The following HOMER2 variants were observed in gnomAD, a reference collection of about 807,000 sequenced individuals.
HOMER2 encodes homer scaffold protein 2, also known as homer protein homolog 2.
In HOMER2, 27 loss-of-function variants were observed where a neutral mutation model predicts 47.0. The ratio of observed to expected loss-of-function variants is 0.57; its 90% CI spans 0.42 to 0.79. The LOEUF (loss-of-function observed/expected upper bound fraction) is 0.79. HOMER2 is among the 30% of genes least tolerant of loss of function. HOMER2 has a pLI of 0.00. For missense variants in HOMER2, 443 were observed against 435.0 expected (o/e 1.02, Z -0.16); for synonymous variants, 161 against 163.8 (o/e 0.98, Z 0.13).
At chr15:82,884,848 TTTGACTTCCTCTTTTCCTAA>T (rs1208727160) in intron 2 of HOMER2, among the ~76,000 whole-genome samples, 1 of 8,676 alleles carries the variant, frequency 1.2e-4, no homozygotes, top group Non-Finnish European at 1.6e-4. Context: ...ACAGGGACAA[TTTGACTTCCTCTTTTCCTAA>T]TTGAATACCC....
intron 3 of HOMER2, among the ~76,000 whole-genome samples, 168 bp from the exon 4 acceptor site, chr15:82,864,427 C>A (rs947916241): frequency 6.6e-6 from 1 of 152,166 alleles, no homozygotes; most frequent in Admixed American, 6.5e-5. Context: ...TTCCAGTAAA[C>A]AGCACTGGGC....
chr15:82,942,251 C>T (rs960900379), intron 1 of HOMER2, among the ~76,000 whole-genome samples: 3 of 152,232 alleles, frequency 2.0e-5, no homozygotes, highest in African/African-American at 4.8e-5. Flanking sequence ...CTCTGTCTTA[C>T]GACCTGTCTT....
Position 82,892,690 on chromosome 15 carries a change from C to A in HOMER2, c.157G>T (p.Ala53Ser). The change falls in exon 2 of 9, where the codon GCC (alanine) becomes TCC (serine). Residue 53 changes from alanine to serine, a missense_variant. Transcript: ENST00000450735. Reference sequence around the variant, plus strand: ...ATCAGCTGAGGGGGTGGTACCTTGGCTCCGTCCACACTGATGATCCGATAG... The same window carrying A: ...ATCAGCTGAGGGGGTGGTACCTTGGATCCGTCCACACTGATGATCCGATAG... The part of the protein sequence containing the change: ...NSYRIISVDG[A>S]KVIINSTITP... 1.3e-6 allele frequency: 2 copies of A among 1,554,354 alleles called. No individual in the cohort carries two copies. Among genetic ancestry groups the A allele is most frequent in the Non-Finnish European group, 1.8e-6 (2 of 1,138,918 alleles).
intron 2 of HOMER2, among the ~76,000 whole-genome samples, chr15:82,891,716 C>T (rs1180463297): frequency 6.6e-6 from 1 of 152,136 alleles, no homozygotes; most frequent in African/African-American, 2.4e-5. Context: ...TGCAGGAGTC[C>T]AGGCAAGACT....
intron 1 of HOMER2, among the ~76,000 whole-genome samples, chr15:82,971,980 CA>C: frequency 6.6e-6 from 1 of 152,290 alleles, no homozygotes; most frequent in African/African-American, 2.4e-5. Context: ...GGGTTTCAAC[CA>C]AGTGCTTCAA....
intron 3 of HOMER2, among the ~76,000 whole-genome samples, chr15:82,864,711 A>C (rs2051908774): frequency 6.6e-6 from 1 of 152,226 alleles, no homozygotes; most frequent in Non-Finnish European, 1.5e-5. Flanking sequence ...GTAAAATGTT[A>C]ACAACTGTTA....
chr15:82,888,766 G>A (rs2052619273), intron 2 of HOMER2, among the ~76,000 whole-genome samples: 1 of 83,410 alleles, frequency 1.2e-5, no homozygotes, highest in South Asian at 3.7e-4. Flanking sequence ...CGCACGGTGC[G>A]CACACACACT....
At chr15:82,851,674 T>C (rs1294272150) in intron 7 of HOMER2, among the ~76,000 whole-genome samples, 1 of 152,182 alleles carries the variant, frequency 6.6e-6, no homozygotes, top group East Asian at 1.9e-4. Flanking sequence ...CGTGTGTCTA[T>C]AGTCCCAGCT....
chr15:82,914,303 G>A (rs565563292), intron 1 of HOMER2, among the ~76,000 whole-genome samples: 21 of 150,750 alleles, frequency 1.4e-4, no homozygotes, highest in Admixed American at 3.3e-4. Flanking sequence ...GCGTGAACCC[G>A]GGAGGCAGAG....
At chr15:82,895,837 G>A (rs906271732) in intron 1 of HOMER2, among the ~76,000 whole-genome samples, 1 of 152,188 alleles carries the variant, frequency 6.6e-6, no homozygotes, top group African/African-American at 2.4e-5. Context: ...ATGTTCCCAG[G>A]CCCCATCCTA....
At chr15:82,877,449 G>A (rs952772425) in intron 2 of HOMER2, among the ~76,000 whole-genome samples, 9 of 152,096 alleles carry the variant, frequency 5.9e-5, no homozygotes, top group Non-Finnish European at 1.2e-4. Context: ...GATTACAGTC[G>A]TGAACCACCG....
At chr15:82,892,664 A>C (rs2052750836) in intron 2 of HOMER2, 21 bp downstream of exon 2, 2 of 1,479,952 alleles carry the variant, frequency 1.4e-6, no homozygotes, top group African/African-American at 1.4e-5. Flanking sequence ...GGAGTATTAA[A>C]ATCAGCTGAG....
intron 1 of HOMER2, among the ~76,000 whole-genome samples, chr15:82,924,360 C>CTTTTTT (rs11318640): frequency 7.8e-6 from 1 of 127,628 alleles, no homozygotes. Flanking sequence ...TGTGCTGGCC[C>CTTTTTT]TTTTTTTTTT....
intron 1 of HOMER2, among the ~76,000 whole-genome samples, chr15:82,949,851 C>T (rs1365054637): frequency 6.6e-5 from 10 of 152,130 alleles, no homozygotes; most frequent in Admixed American, 3.9e-4. Flanking sequence ...CTGGTGGCTG[C>T]CACGCAGATA....
chr15:82,916,441 A>G (rs1047651408), intron 1 of HOMER2, among the ~76,000 whole-genome samples: 5 of 152,182 alleles, frequency 3.3e-5, no homozygotes, highest in African/African-American at 1.2e-4. Context: ...ATGAGGTACA[A>G]AACAGTGACC....
chr15:82,983,012 G>A (rs748768724), intron 1 of HOMER2, among the ~76,000 whole-genome samples: 2 of 152,150 alleles, frequency 1.3e-5, no homozygotes, highest in Non-Finnish European at 2.9e-5. Flanking sequence ...CCCATCACAA[G>A]TTGAAAACAT....
intron 2 of HOMER2, among the ~76,000 whole-genome samples, chr15:82,879,975 T>A (rs1442235126): frequency 6.6e-6 from 1 of 150,778 alleles, no homozygotes; most frequent in Non-Finnish European, 1.5e-5. Context: ...ATCACAAAAA[T>A]TTAACATTAA....
rs1567056524 is a variant in HOMER2, at chr15:82,922,565, A to G, written c.6-29724T>C. 2.0e-5 allele frequency among the ~76,000 whole-genome samples: 3 copies of G among 152,184 alleles called. No individual in the cohort carries two copies. In the South Asian group the frequency reaches 6.2e-4, roughly 32 times the overall value. On this transcript the variant is annotated intron_variant, in intron 1 of 8. Coordinates refer to ENST00000450735, the MANE Select transcript of HOMER2 (RefSeq NM_004839.4). ...ATGCTGGCTCGGAAGAAGCCGAGAGAGGCCACATTCAATAGAAAGTTAGCC... is the reference window on the plus strand; with the variant it reads ...ATGCTGGCTCGGAAGAAGCCGAGAGGGGCCACATTCAATAGAAAGTTAGCC...
intron 6 of HOMER2, among the ~76,000 whole-genome samples, chr15:82,854,117 G>A (rs1389114205): frequency 4.6e-5 from 7 of 152,156 alleles, no homozygotes; most frequent in South Asian, 2.1e-4. Flanking sequence ...AAAAGGTAAC[G>A]AGTCTGGCCA....
Sources: gnomAD v4.1 joint callset for allele counts (sites outside exome capture counted in the v4.1 genomes callset) on GRCh38, gnomAD v4.1.1 for gene constraint, MANE v1.5 for transcripts, NCBI Gene and HGNC (gene_info 2026-07-23, HGNC 2026-07-21) for gene names.